ATG16L1: variants seen among roughly 807,000 people sequenced by gnomAD.
ATG16L1 encodes autophagy-related protein 16-1.
ATG16L1 carries 37 observed loss-of-function variants against 88.5 expected under a neutral mutation model. That is an observed-to-expected ratio of 0.42 (90% CI 0.32 to 0.55). ATG16L1 has a LOEUF of 0.55. Among genes scored for constraint, ATG16L1 ranks in the 20% least tolerant of loss-of-function variants. The pLI is 0.13. For synonymous variants in ATG16L1, 301 were observed against 281.0 expected, an observed-to-expected ratio of 1.07 and a Z score of -0.71; for missense variants, 554 against 752.8, an observed-to-expected ratio of 0.74 and a Z score of 3.09.
Position 233,251,833 on chromosome 2 carries a change from G to A in ATG16L1, c.6G>A (p.Ser2=). The change falls in exon 1 of 18, where the codon TCG becomes TCA. Residue 2 remains serine, a synonymous_variant. Coordinates refer to ENST00000392017, the MANE Select transcript of ATG16L1 (RefSeq NM_030803.7). ...GTGCCGGGGCAGCAAGTGACATGTC[G>A]TCGGGCCTCCGCGCCGCTGACTTCC... M[S]SGLRAADFPR... The A allele has an allele frequency of 6.5e-7, 1 of 1,549,790 alleles. No individual in the cohort carries two copies. Among genetic ancestry groups the A allele is most frequent in the African/African-American group, 1.4e-5 (1 of 73,146 alleles).
intron 5 of ATG16L1, among the ~76,000 whole-genome samples, chr2:233,265,782 T>A (rs777553835): frequency 4.6e-5 from 7 of 152,182 alleles, no homozygotes; most frequent in Non-Finnish European, 7.3e-5. Flanking sequence ...ATAGATTTTT[T>A]AAGAATTCCC....
intron 11 of ATG16L1, among the ~76,000 whole-genome samples, chr2:233,282,275 G>A (rs1698768435): frequency 1.3e-5 from 2 of 152,194 alleles, no homozygotes; most frequent in South Asian, 4.1e-4. Flanking sequence ...GGGGAGAAAG[G>A]AGAGGACCAG....
chr2:233,274,687 T>C lies in ATG16L1; in HGVS notation c.863T>C (p.Val288Ala), dbSNP rs753125188. 21 of 1,608,542 alleles carry C rather than the reference T, an allele frequency of 1.3e-5. No homozygotes were observed. The highest frequency in any genetic ancestry group is 1.8e-5 in the Non-Finnish European group (21 of 1,175,114). ...ATGTTATTTCTTAGGAGACGCTCTG[T>C]CTCTTCCTTCCCAGTCCCCCAGGAC... ...SITNIFGRRS[V>A]SSFPVPQDNV... Residue 288 changes from valine (V) to alanine (A), a missense_variant, in exon 9 of 18, where the codon GTC becomes GCC. Around this residue, in one of 5 missense-constraint regions of ATG16L1, gnomAD observed 370 missense variants for 509.7 expected, o/e 0.73. Coordinates refer to ENST00000392017, the MANE Select transcript of ATG16L1 (RefSeq NM_030803.7).
In ATG16L1 at chr2:233,289,988, GTC is replaced by G. The variant is rs1699354935; in HGVS notation, c.1324+20_1324+21del. ...GCAGCAAAGTCTGTGAGGAAATTCA[GTC>G]TCTCTGTCTGTGTATATGCTTAGAT... On this transcript the variant is annotated intron_variant, in intron 13 of 17. Transcript: ENST00000392017. The G allele has an allele frequency of 1.1e-5, 18 of 1,613,108 alleles. No homozygotes were observed. Among genetic ancestry groups the G allele is most frequent in the Non-Finnish European group, 1.4e-5 (17 of 1,179,206 alleles).
intron 6 of ATG16L1, among the ~76,000 whole-genome samples, chr2:233,271,685 T>A (rs2125244028): frequency 6.6e-6 from 1 of 152,362 alleles, no homozygotes; most frequent in East Asian, 1.9e-4. Flanking sequence ...TTTCTTGTGG[T>A]CCCGGGCCTA....
chr2:233,252,355 C>G (rs1696434238), intron 1 of ATG16L1, among the ~76,000 whole-genome samples: 1 of 152,056 alleles, frequency 6.6e-6, no homozygotes, highest in African/African-American at 2.4e-5. Context: ...AACTTACTTC[C>G]CTTACTCCAC....
At chr2:233,284,884 C>G (rs1574893820) in intron 12 of ATG16L1, among the ~76,000 whole-genome samples, 1 of 152,204 alleles carries the variant, frequency 6.6e-6, no homozygotes, top group African/African-American at 2.4e-5. Flanking sequence ...GTATTAGATG[C>G]TAGCCAATAC....
chr2:233,268,073 C>T (rs1697732802), intron 5 of ATG16L1, among the ~76,000 whole-genome samples: 1 of 152,318 alleles, frequency 6.6e-6, no homozygotes, highest in Middle Eastern at 3.4e-3. Context: ...CCATATGTAG[C>T]ACACTGTTTT....
chr2:233,294,170 G>A, intron 17 of ATG16L1, 87 bp from the exon 18 acceptor site: 1 of 1,100,832 alleles, frequency 9.1e-7, no homozygotes, highest in Non-Finnish European at 1.3e-6. Context: ...AGGACTCCCT[G>A]AATGCACAAG....
At chr2:233,294,043 C>G (rs949918065) in intron 17 of ATG16L1, among the ~76,000 whole-genome samples, 1 of 152,066 alleles carries the variant, frequency 6.6e-6, no homozygotes, top group Non-Finnish European at 1.5e-5. Context: ...TCCCTTCATC[C>G]CAGCATGACT....
Position 233,292,201 on chromosome 2 carries a change from G to A in ATG16L1, c.1504G>A (p.Glu502Lys), listed in dbSNP as rs1221301315. The A allele has an allele frequency of 6.2e-7, 1 of 1,614,268 alleles. No homozygotes were observed. ...CCTGGACTTAAACCCAGAAAGGACT[G>A]AGCTCCTGAGCTGCTCCCGTGATGA... ...TALDLNPERTELLSCSRDDLL... is the reference protein window; with the variant it reads ...TALDLNPERTKLLSCSRDDLL... The change falls in exon 15 of 18, where the codon GAG (glutamate) becomes AAG (lysine). Residue 502 changes from glutamate to lysine, a missense_variant. Coordinates refer to ENST00000392017, the MANE Select transcript of ATG16L1 (RefSeq NM_030803.7).
intron 12 of ATG16L1, 92 bp downstream of exon 12, chr2:233,282,845 G>A: frequency 1.7e-6 from 2 of 1,149,412 alleles, no homozygotes; most frequent in Non-Finnish European, 2.6e-6. Context: ...AGGGGACTTT[G>A]TTTTCCCAAA....
At chr2:233,263,947 G>A (rs1377401271) in intron 3 of ATG16L1, 45 bp from the exon 4 acceptor site, 1 of 1,589,792 alleles carries the variant, frequency 6.3e-7, no homozygotes, top group African/African-American at 1.3e-5. Context: ...TCCAAATGAG[G>A]TCCTAAAATT....
rs574218279 is a variant in ATG16L1 at position 233,294,264 on chromosome 2, A to G, written c.1738A>G (p.Ile580Val). Reference sequence around the variant, plus strand: ...CTGATCTCTCCTTTGAAGCTCATCCATCAATGCGGTGGCGTGGTCGCCCTC... The same window carrying G: ...CTGATCTCTCCTTTGAAGCTCATCCGTCAATGCGGTGGCGTGGTCGCCCTC... Reference protein sequence around the residue: ...KVLSKQHSSSINAVAWSPSGS... With the variant: ...KVLSKQHSSSVNAVAWSPSGS... Residue 580 changes from isoleucine to valine, a missense_variant, in exon 18 of 18, where the codon ATC (isoleucine) becomes GTC (valine). Coordinates refer to ENST00000392017, the MANE Select transcript of ATG16L1 (RefSeq NM_030803.7). The G allele has an allele frequency of 3.1e-5, 50 of 1,602,584 alleles. 1 individual carries two copies. In the South Asian group the frequency reaches 5.3e-4, roughly 17 times the overall value.
chr2:233,255,238 T>C (rs1696694634), intron 1 of ATG16L1, among the ~76,000 whole-genome samples: 1 of 152,240 alleles, frequency 6.6e-6, no homozygotes, highest in Non-Finnish European at 1.5e-5. Context: ...AGTGCTGCGA[T>C]TACAGGCGTG....
At chr2:233,260,106 T>C (rs571449408) in intron 2 of ATG16L1, among the ~76,000 whole-genome samples, 5 of 152,306 alleles carry the variant, frequency 3.3e-5, no homozygotes, top group African/African-American at 9.6e-5. Context: ...CTCCTTCCTG[T>C]CTCTCCAAAG....
chr2:233,273,812 T>G (rs1290327223), intron 8 of ATG16L1, 35 bp downstream of exon 8: 1 of 1,586,418 alleles, frequency 6.3e-7, no homozygotes, highest in Non-Finnish European at 8.6e-7. Flanking sequence ...TAAATGTGTA[T>G]AAGTATACCT....
chr2:233,266,828 A>G (rs1330097684), intron 5 of ATG16L1, among the ~76,000 whole-genome samples: 2 of 152,218 alleles, frequency 1.3e-5, no homozygotes, highest in Non-Finnish European at 2.9e-5. Flanking sequence ...GTTATTTACA[A>G]CCACTTGGAT....
chr2:233,284,191 C>G (rs1399558107), intron 12 of ATG16L1, among the ~76,000 whole-genome samples: 1 of 150,676 alleles, frequency 6.6e-6, no homozygotes, highest in East Asian at 2.0e-4. Context: ...GCCTGTTGCC[C>G]AGGCTGGAGT....
Sources: allele counts gnomAD v4.1 joint callset (sites outside exome capture counted in the v4.1 genomes callset), GRCh38; gene constraint gnomAD v4.1.1; regional missense constraint gnomAD v4.1.1; transcripts MANE v1.5; gene names NCBI Gene and HGNC (gene_info 2026-07-23, HGNC 2026-07-21).